The following MDN1 variants were observed in gnomAD, a reference collection of about 807,000 sequenced individuals.
MDN1 encodes midasin.
A neutral mutation model predicts 669.2 loss-of-function variants in MDN1; 266 were observed. The ratio of observed to expected loss-of-function variants is 0.40; its 90% confidence interval spans 0.36 to 0.44. The LOEUF (loss-of-function observed/expected upper bound fraction) is 0.44, where lower values mean the gene tolerates loss of function less well. MDN1 is among the 20% of genes least tolerant of loss of function. The pLI is 1.00. For missense variants in MDN1, 5,940 were observed against 6,754.0 expected (o/e 0.88, Z 4.22); for synonymous variants, 2,385 against 2,457.1 (o/e 0.97, Z 0.87).
intron 38 of MDN1, among the ~76,000 whole-genome samples, 162 bp from the exon 39 acceptor site, chr6:89,723,781 T>A (rs1815003029): frequency 6.6e-6 from 1 of 152,192 alleles, no homozygotes; most frequent in Non-Finnish European, 1.5e-5. Flanking sequence ...GTTTTGAGAA[T>A]AAAGAATCAT....
intron 7 of MDN1, among the ~76,000 whole-genome samples, chr6:89,788,279 T>C (rs1819073563): frequency 6.6e-6 from 1 of 152,174 alleles, no homozygotes; most frequent in South Asian, 2.1e-4. Context: ...ATAATCAGTG[T>C]ACCCCAGGAG....
At position 89,696,562 on chromosome 6, in the gene MDN1, G is replaced by A; in HGVS notation, c.9181C>T (p.Leu3061Phe). 1 of 1,613,646 alleles carries A rather than the reference G, an allele frequency of 6.2e-7. No individual in the cohort carries two copies. Among genetic ancestry groups the A allele is most frequent in the Non-Finnish European group, 8.5e-7 (1 of 1,179,606 alleles). ...LDSTLKGPGNLNRPIFSKCCF... is the reference protein window; with the variant it reads ...LDSTLKGPGNFNRPIFSKCCF... ...CACTTAGAGAATATGGGTCTATTGA[G>A]ATTGCCGGGGCCCTAAAGGACAAGA... The change falls in exon 60 of 102, where the codon CTC (leucine) becomes TTC (phenylalanine). Residue 3061 changes from leucine to phenylalanine, a missense_variant. Coordinates refer to ENST00000369393, the MANE Select transcript of MDN1 (RefSeq NM_014611.3).
intron 18 of MDN1, 100 bp downstream of exon 18, chr6:89,758,716 A>C: frequency 2.8e-4 from 336 of 1,191,478 alleles, no homozygotes; most frequent in Non-Finnish European, 3.6e-4. Context: ...TTCCATTGGG[A>C]GGCCCATGTC....
intron 7 of MDN1, among the ~76,000 whole-genome samples, chr6:89,788,334 T>C (rs1290361353): frequency 2.6e-5 from 4 of 152,170 alleles, no homozygotes; most frequent in Admixed American, 6.5e-5. Flanking sequence ...TGAATCAGGA[T>C]AGAATGATTT....
At chr6:89,722,909 C>A in intron 40 of MDN1, 46 bp downstream of exon 40, 1 of 1,525,482 alleles carries the variant, frequency 6.6e-7, no homozygotes, top group Non-Finnish European at 8.9e-7. Flanking sequence ...CACAGGAAAT[C>A]AACTTTCAGA....
chr6:89,705,999 C>G, intron 53 of MDN1, 60 bp downstream of exon 53: 2 of 1,462,676 alleles, frequency 1.4e-6, no homozygotes, highest in East Asian at 4.6e-5. Flanking sequence ...CCCTAAGAAT[C>G]TTTATGCCAA....
intron 37 of MDN1, among the ~76,000 whole-genome samples, chr6:89,725,930 T>TAC (rs71024397): frequency 0.019 from 2,758 of 147,546 alleles, 40 homozygotes; most frequent in South Asian, 0.042. Context: ...TGGTATTTTA[T>TAC]ACACACACAC....
chr6:89,809,924 G>A (rs1050963781), intron 1 of MDN1, among the ~76,000 whole-genome samples: 1 of 140,588 alleles, frequency 7.1e-6, no homozygotes, highest in African/African-American at 2.6e-5. Context: ...CTGGAAGGTA[G>A]AGGCTGCAGT....
Position 89,789,777 on chromosome 6 carries a change from T to A in MDN1, c.1230+3A>T. ...GGACAATGAATTTCCTGAGATGACA[T>A]ACCACGTCTAAGGGGGCATAGTCAA... On this transcript the variant is annotated splice_donor_region_variant and intron_variant, in intron 7 of 101. Coordinates refer to ENST00000369393, the MANE Select transcript of MDN1 (RefSeq NM_014611.3). 5 of 1,586,196 alleles carry A rather than the reference T, an allele frequency of 3.2e-6. No individual in the cohort carries two copies. The highest frequency in any genetic ancestry group is 4.3e-6 in the Non-Finnish European group (5 of 1,167,008).
chr6:89,676,330 T>C lies in MDN1; in HGVS notation c.12540-123A>G, dbSNP rs904267750. On this transcript the variant is annotated intron_variant, in intron 76 of 101. Transcript: ENST00000369393. The stretch of plus-strand genomic sequence containing the variant: ...AGTCAGCTGTCTGAATAGGTTTATT[T>C]CTATGAGGAATCATTCAGTGAGGCA... 5.2e-6 allele frequency: 4 copies of C among 773,142 alleles called. No individual in the cohort carries two copies. The African/African-American group carries it at 6.8e-5, about 13-fold the overall frequency. The allele number at this position is 773,142 out of a possible 1,614,324, so 47.9% of individuals were successfully genotyped here.
intron 64 of MDN1, among the ~76,000 whole-genome samples, 196 bp downstream of exon 64, chr6:89,690,477 G>A (rs899062355): frequency 2.6e-5 from 4 of 152,076 alleles, no homozygotes; most frequent in Non-Finnish European, 5.9e-5. Context: ...AGGATTGTTT[G>A]AGCCCAGGAG....
At position 89,712,769 on chromosome 6, in the gene MDN1, C is replaced by T; in HGVS notation, c.7236G>A (p.Leu2412=). 1 of 1,614,076 alleles carries T rather than the reference C, an allele frequency of 6.2e-7. No homozygotes were observed. The highest frequency in any genetic ancestry group is 8.5e-7 in the Non-Finnish European group (1 of 1,179,986). Residue 2412 remains leucine (L), a synonymous_variant, in exon 48 of 102, where the codon CTG becomes CTA. Transcript: ENST00000369393. ...PANRKLVQAL[L]EKHVSSLRAH... is the part of the protein sequence containing the mutation. ...CTCGCAAAGAAGAAACATGTTTCTC[C>T]AGTAAAGCCTGTACAAGCTGGTAGG...
In MDN1 at chr6:89,685,888, T is replaced by A; in HGVS notation, c.11658A>T (p.Arg3886=). The A allele has an allele frequency of 6.2e-7, 1 of 1,614,132 alleles. No individual in the cohort carries two copies. Among genetic ancestry groups the A allele is most frequent in the Non-Finnish European group, 8.5e-7 (1 of 1,180,020 alleles). ...EGSSLGEFHV[R]LQMLLVFHCH... ...AATGGAAAACCAGTAACATCTGAAG[T>A]CGCACATGGAACTCTCCCAGCGAGG... The change falls in exon 70 of 102, where the codon CGA becomes CGT. Residue 3886 remains arginine, a synonymous_variant. Transcript: ENST00000369393.
intron 8 of MDN1, 54 bp from the exon 9 acceptor site, chr6:89,785,180 A>T: frequency 8.3e-7 from 1 of 1,208,732 alleles, no homozygotes; most frequent in South Asian, 1.2e-5. Context: ...TTTAATCCTG[A>T]ATTGTGCCTC....
chr6:89,771,172 A>T (rs1334706621), intron 15 of MDN1, among the ~76,000 whole-genome samples: 4 of 152,160 alleles, frequency 2.6e-5, no homozygotes, highest in African/African-American at 9.7e-5. Context: ...CTGCACAAAC[A>T]CAAGACCAGA....
Position 89,650,037 on chromosome 6 carries a change from T to C in MDN1, c.16193A>G (p.Asn5398Ser). The C allele has an allele frequency of 6.2e-7, 1 of 1,614,138 alleles. No homozygotes were observed. The change falls in exon 97 of 102, where the codon AAT (asparagine) becomes AGT (serine). Residue 5398 changes from asparagine to serine, a missense_variant. Asn to Ser is a conservative substitution (Grantham distance 46, BLOSUM62 1). Coordinates refer to ENST00000369393, the MANE Select transcript of MDN1 (RefSeq NM_014611.3). Reference protein sequence around the residue: ...AIDDSSSMVDNHTKQLAFESL... With the variant: ...AIDDSSSMVDSHTKQLAFESL... Reference sequence around the variant, plus strand: ...TCTCTTCCTTACCTGCTTGGTATGATTGTCTACCATACTAGAAGAGTCATC... The same window carrying C: ...TCTCTTCCTTACCTGCTTGGTATGACTGTCTACCATACTAGAAGAGTCATC...
At chr6:89,712,552 C>T in intron 48 of MDN1, 23 bp downstream of exon 48, 1 of 1,605,904 alleles carries the variant, frequency 6.2e-7, no homozygotes, top group Non-Finnish European at 8.5e-7. Context: ...AAACCAGAGA[C>T]ACAAGCTGAA....
chr6:89,775,678 T>A (rs991453835), intron 12 of MDN1, among the ~76,000 whole-genome samples: 1 of 152,142 alleles, frequency 6.6e-6, no homozygotes, highest in Non-Finnish European at 1.5e-5. Context: ...AACTTTTTTT[T>A]TTGTTTGTTT....
At chr6:89,671,373 G>A (rs534581292) in intron 82 of MDN1, among the ~76,000 whole-genome samples, 59 of 152,262 alleles carry the variant, frequency 3.9e-4, no homozygotes, top group African/African-American at 1.2e-3. Flanking sequence ...AGTGGCTCAC[G>A]CCTTTAATCC....
Sources: gnomAD v4.1 joint callset for allele counts (sites outside exome capture counted in the v4.1 genomes callset) on GRCh38, gnomAD v4.1.1 for gene constraint, MANE v1.5 for transcripts, NCBI Gene and HGNC (gene_info 2026-07-23, HGNC 2026-07-21) for gene names.